RYR2: variants seen among roughly 807,000 people sequenced by gnomAD.
RYR2 encodes the protein ryanodine receptor 2.
In RYR2, 227 loss-of-function variants were observed where a neutral mutation model predicts 601.1. That is an observed-to-expected ratio of 0.38 (90% CI 0.34 to 0.42). The LOEUF (loss-of-function observed/expected upper bound fraction) is 0.42, where lower values mean the gene tolerates loss of function less well. Ranked by LOEUF, RYR2 falls within the 10% of genes least tolerant of loss-of-function variation. The pLI, the probability that RYR2 is intolerant of heterozygous loss-of-function variation, is 1.00. For synonymous variants in RYR2, 2,223 were observed against 2,175.1 expected, an observed-to-expected ratio of 1.02 and a Z score of -0.61; for missense variants, 4,646 against 6,156.5, an observed-to-expected ratio of 0.75 and a Z score of 8.21.
chr1:237,598,655 C>CTATGGGATACA (rs1460635218), intron 34 of RYR2, among the ~76,000 whole-genome samples: 41 of 152,216 alleles, frequency 2.7e-4, no homozygotes, highest in Admixed American at 7.9e-4. Context: ...TGGGATACAG[C>CTATGGGATACA]AGAGGCAGTT....
At chr1:237,221,921 T>C (rs988026113) in intron 1 of RYR2, among the ~76,000 whole-genome samples, 4 of 152,160 alleles carry the variant, frequency 2.6e-5, no homozygotes, top group Non-Finnish European at 5.9e-5. Context: ...CTAGTGACTA[T>C]GTCCTATTTT....
intron 1 of RYR2, among the ~76,000 whole-genome samples, chr1:237,084,874 C>A (rs1350847052): frequency 6.6e-6 from 1 of 152,254 alleles, no homozygotes; most frequent in East Asian, 1.9e-4. Context: ...GATTGAAGGG[C>A]CGGGGCCGGC....
chr1:237,527,343 GCTTCA>G (rs2147912706), intron 24 of RYR2, among the ~76,000 whole-genome samples: 1 of 152,316 alleles, frequency 6.6e-6, no homozygotes, highest in Admixed American at 6.5e-5. Flanking sequence ...CCCAAAAACA[GCTTCA>G]CAGAAACATC....
chr1:237,217,655 G>A (rs1426468243), intron 1 of RYR2, among the ~76,000 whole-genome samples: 3 of 151,904 alleles, frequency 2.0e-5, no homozygotes, highest in African/African-American at 4.8e-5. Context: ...GTGATAATAC[G>A]TGTATGAGTT....
In RYR2 at chr1:237,633,843, A is replaced by G. The variant is rs574754609; in HGVS notation, c.6688+133A>G. 1.8e-5 allele frequency: 16 copies of G among 881,644 alleles called. No homozygotes were observed. In the South Asian group the frequency reaches 3.2e-4, roughly 17 times the overall value. The allele number at this position is 881,644 out of a possible 1,614,324, so 54.6% of individuals were successfully genotyped here. A position where few individuals can be genotyped will look rare whatever the true frequency, so the allele number is the denominator to read the frequency against. ...CACAAAAGAAGACAGATAGTTGGCC[A>G]ATAGGTATATGAAAAAATACTCGAC... On this transcript the variant is annotated intron_variant, in intron 43 of 104. Transcript: ENST00000366574.
At chr1:237,630,427 G>T (rs1228539076) in intron 41 of RYR2, among the ~76,000 whole-genome samples, 1 of 152,006 alleles carries the variant, frequency 6.6e-6, no homozygotes, top group East Asian at 1.9e-4. Flanking sequence ...TCTGACCTAT[G>T]CTATCTAAAA....
rs1339370398 is a variant in RYR2 at position 237,813,726 on chromosome 1, G to A, written c.14433+4691G>A. On this transcript the variant is annotated intron_variant, in intron 100 of 104. Coordinates refer to ENST00000366574, the MANE Select transcript of RYR2 (RefSeq NM_001035.3). ...AGGAAATACGGCCTGTTGATGTTCTGAACTATGGACTTAGCTAGAGCCTAG... is the reference window on the plus strand; with the variant it reads ...AGGAAATACGGCCTGTTGATGTTCTAAACTATGGACTTAGCTAGAGCCTAG... 2.6e-4 allele frequency among the ~76,000 whole-genome samples: 40 copies of A among 152,176 alleles called. 1 individual carries two copies. The highest frequency in any genetic ancestry group is 5.9e-5 in the Non-Finnish European group (4 of 68,026).
intron 27 of RYR2, among the ~76,000 whole-genome samples, chr1:237,550,931 C>T (rs539907140): frequency 1.3e-5 from 2 of 152,168 alleles, no homozygotes; most frequent in African/African-American, 4.8e-5. Context: ...TTCCTCAAGC[C>T]TCTGAGATCA....
At chr1:237,739,632 T>G (rs1691442365) in intron 79 of RYR2, among the ~76,000 whole-genome samples, 1 of 152,234 alleles carries the variant, frequency 6.6e-6, no homozygotes, top group Non-Finnish European at 1.5e-5. Flanking sequence ...TTATGCCTAG[T>G]GTTCCATTCT....
intron 14 of RYR2, among the ~76,000 whole-genome samples, chr1:237,450,533 A>G (rs1657959383): frequency 7.9e-6 from 1 of 125,968 alleles, no homozygotes; most frequent in Non-Finnish European, 1.8e-5. Flanking sequence ...GCCACTCCCC[A>G]TTATACTTTG....
intron 51 of RYR2, among the ~76,000 whole-genome samples, chr1:237,652,968 T>C: frequency 6.6e-6 from 1 of 152,324 alleles, no homozygotes; most frequent in East Asian, 1.9e-4. Flanking sequence ...ACAGTAATTC[T>C]TATAATTTAT....
At chr1:237,785,833 G>C (rs1028386335) in intron 90 of RYR2, 136 bp from the exon 91 acceptor site, 10 of 681,320 alleles carry the variant, frequency 1.5e-5, no homozygotes, top group Non-Finnish European at 2.4e-5. Context: ...TGAAAAACAC[G>C]TGGCGCTTTT....
At chr1:237,066,017 C>G (rs1002319740) in intron 1 of RYR2, among the ~76,000 whole-genome samples, 4 of 152,234 alleles carry the variant, frequency 2.6e-5, no homozygotes, top group African/African-American at 9.6e-5. Context: ...CAGACCCCAC[C>G]TCCAACATTG....
At chr1:237,047,704 A>G (rs1660763857) in intron 1 of RYR2, among the ~76,000 whole-genome samples, 1 of 151,234 alleles carries the variant, frequency 6.6e-6, no homozygotes, top group South Asian at 2.1e-4. Context: ...TTTTGAAGCT[A>G]CTCTTTTGAC....
At chr1:237,817,568 G>A (rs2149474704) in intron 100 of RYR2, among the ~76,000 whole-genome samples, 1 of 152,266 alleles carries the variant, frequency 6.6e-6, no homozygotes, top group African/African-American at 2.4e-5. Context: ...CCCAAGTGTG[G>A]AATTCAAGAA....
intron 96 of RYR2, among the ~76,000 whole-genome samples, chr1:237,797,053 G>C (rs1659339657): frequency 6.6e-6 from 1 of 151,878 alleles, no homozygotes; most frequent in Admixed American, 6.6e-5. Flanking sequence ...CAAAGTGCTG[G>C]GATTACAGGA....
At chr1:237,054,191 T>C (rs1209429962) in intron 1 of RYR2, among the ~76,000 whole-genome samples, 1 of 139,334 alleles carries the variant, frequency 7.2e-6, no homozygotes, top group Non-Finnish European at 1.6e-5. Flanking sequence ...CTCCCTCCCT[T>C]CTTCCCTTCT....
At chr1:237,769,428 C>T (rs548300387) in intron 84 of RYR2, among the ~76,000 whole-genome samples, 1 of 152,276 alleles carries the variant, frequency 6.6e-6, no homozygotes, top group South Asian at 2.1e-4. Context: ...CTTAAACTTG[C>T]CACGTCTGAT....
intron 23 of RYR2, among the ~76,000 whole-genome samples, chr1:237,507,591 A>G (rs963794334): frequency 6.6e-6 from 1 of 152,260 alleles, no homozygotes; most frequent in Non-Finnish European, 1.5e-5. Context: ...TAGTAGTATC[A>G]TGTGATACTC....
Sources: gnomAD v4.1 joint callset for allele counts (sites outside exome capture counted in the v4.1 genomes callset) on GRCh38, gnomAD v4.1.1 for gene constraint, MANE v1.5 for transcripts, NCBI Gene and HGNC (gene_info 2026-07-23, HGNC 2026-07-21) for gene names.